HLCS: variants seen among roughly 807,000 people sequenced by gnomAD.
The protein encoded by HLCS is holocarboxylase synthetase, also known as biotin--protein ligase.
A neutral mutation model predicts 75.0 loss-of-function variants in HLCS; 53 were observed. That is an observed-to-expected ratio of 0.71 (90% CI 0.57 to 0.89). The LOEUF is 0.89. HLCS is among the 40% of genes least tolerant of loss of function. The pLI, the probability that HLCS is intolerant of heterozygous loss-of-function variation, is 0.00. For synonymous variants in HLCS, 431 were observed against 428.6 expected, an observed-to-expected ratio of 1.01 and a Z score of -0.07; for missense variants, 966 against 1,074.0, an observed-to-expected ratio of 0.90 and a Z score of 1.41.
intron 10 of HLCS, among the ~76,000 whole-genome samples, chr21:36,755,931 G>A (rs1415129571): frequency 1.3e-5 from 2 of 152,160 alleles, no homozygotes; most frequent in African/African-American, 2.4e-5. Flanking sequence ...ATTTAGATGC[G>A]TCTATTGTTT....
intron 6 of HLCS, among the ~76,000 whole-genome samples, chr21:36,812,535 T>G (rs2061542874): frequency 6.6e-6 from 1 of 152,228 alleles, no homozygotes; most frequent in African/African-American, 2.4e-5. Flanking sequence ...TGAGTCTTTG[T>G]AAGCTCAAAA....
At chr21:36,924,557 T>C (rs553209245) in intron 5 of HLCS, among the ~76,000 whole-genome samples, 1 of 152,194 alleles carries the variant, frequency 6.6e-6, no homozygotes, top group South Asian at 2.1e-4. Flanking sequence ...CAAGACTCCA[T>C]CTCAAAAAGA....
chr21:36,989,029 TA>T, intron 1 of HLCS, among the ~76,000 whole-genome samples: 1 of 137,400 alleles, frequency 7.3e-6, no homozygotes, highest in Non-Finnish European at 1.6e-5. Context: ...TATTTTATTT[TA>T]TTTATTTATT....
At position 36,830,174 on chromosome 21, in the gene HLCS, C is replaced by T. The variant is rs555065364; in HGVS notation, c.1893-62889G>A. Among the ~76,000 whole-genome samples, 52 of 152,202 alleles carry T rather than the reference C, an allele frequency of 3.4e-4. 1 individual carries two copies. The highest frequency in any genetic ancestry group is 1.1e-3 in the Admixed American group (17 of 15,292). On this transcript the variant is annotated intron_variant, in intron 6 of 10. Transcript: ENST00000674895. ...CCTCTACAAGCCAGAGAGAGGGGCCCGGAACAGAGCCTCTCTCACGGCCTC... is the reference window on the plus strand; with the variant it reads ...CCTCTACAAGCCAGAGAGAGGGGCCTGGAACAGAGCCTCTCTCACGGCCTC...
intron 6 of HLCS, among the ~76,000 whole-genome samples, chr21:36,872,730 C>T (rs1379418765): frequency 2.0e-5 from 3 of 152,206 alleles, no homozygotes; most frequent in Non-Finnish European, 4.4e-5. Flanking sequence ...ATCCATTCAT[C>T]TGTCAGTGGA....
intron 6 of HLCS, among the ~76,000 whole-genome samples, chr21:36,895,021 G>A (rs1040414130): frequency 2.6e-5 from 4 of 152,038 alleles, no homozygotes; most frequent in Non-Finnish European, 4.4e-5. Flanking sequence ...CTCTCAGGGC[G>A]TGTGCTGCCC....
Position 36,763,136 on chromosome 21 carries a change from TG to T in HLCS, c.2121+1875del, listed in dbSNP as rs552106808. Among the ~76,000 whole-genome samples, 468 of 152,288 alleles carry T rather than the reference TG, an allele frequency of 3.1e-3. 3 individuals carry two copies. The highest frequency in any genetic ancestry group is 5.6e-3 in the Non-Finnish European group (384 of 68,022). The stretch of plus-strand genomic sequence containing the variant: ...GCCTCCCGAGTTCAAGCGATTCTTG[TG>T]CCTCAGCCTCCCGAGTAGCTGAGAT... On this transcript the variant is annotated intron_variant, in intron 8 of 10. Coordinates refer to ENST00000674895, the MANE Select transcript of HLCS (RefSeq NM_001352514.2).
chr21:36,796,800 G>C (rs1188538141), intron 6 of HLCS, among the ~76,000 whole-genome samples: 1 of 151,844 alleles, frequency 6.6e-6, no homozygotes, highest in African/African-American at 2.4e-5. Context: ...AAGCAATGCA[G>C]CACCTACAGA....
intron 1 of HLCS, among the ~76,000 whole-genome samples, chr21:36,988,567 T>C (rs946738582): frequency 6.6e-6 from 1 of 152,192 alleles, no homozygotes; most frequent in African/African-American, 2.4e-5. Flanking sequence ...CCAGAGTAAA[T>C]TCCTACCTGT....
At chr21:36,798,160 C>T (rs894770127) in intron 6 of HLCS, among the ~76,000 whole-genome samples, 23 of 152,072 alleles carry the variant, frequency 1.5e-4, no homozygotes, top group African/African-American at 5.6e-4. Flanking sequence ...TGACCTGAGG[C>T]CCAACGAGGA....
At chr21:36,914,910 C>T (rs1464521797) in intron 5 of HLCS, among the ~76,000 whole-genome samples, 2 of 152,236 alleles carry the variant, frequency 1.3e-5, no homozygotes, top group African/African-American at 2.4e-5. Flanking sequence ...AGGCTTCTGA[C>T]AGAGCAGGCA....
intron 6 of HLCS, among the ~76,000 whole-genome samples, chr21:36,839,552 G>T (rs1239779499): frequency 6.6e-6 from 1 of 152,076 alleles, no homozygotes; most frequent in Non-Finnish European, 1.5e-5. Context: ...AGGGAGAGCA[G>T]ATAGCAGCAG....
intron 9 of HLCS, among the ~76,000 whole-genome samples, chr21:36,757,477 A>T (rs1335884882): frequency 5.3e-5 from 8 of 152,178 alleles, no homozygotes; most frequent in African/African-American, 1.9e-4. Context: ...GCTGGACTTC[A>T]GTGTTCAGCA....
intron 1 of HLCS, chr21:36,973,886 G>C (rs1157746911): frequency 6.6e-6 from 1 of 152,448 alleles, no homozygotes; most frequent in Admixed American, 6.5e-5. Flanking sequence ...AGCTACTTGG[G>C]AGGCTGAGGC....
chr21:36,963,679 G>C (rs187492719), intron 1 of HLCS, among the ~76,000 whole-genome samples: 2 of 152,248 alleles, frequency 1.3e-5, no homozygotes, highest in East Asian at 1.9e-4. Context: ...TTGAACCCGG[G>C]AGGCAGAAGT....
At chr21:36,890,344 G>A (rs886724005) in intron 6 of HLCS, among the ~76,000 whole-genome samples, 1 of 152,204 alleles carries the variant, frequency 6.6e-6, no homozygotes, top group African/African-American at 2.4e-5. Flanking sequence ...AATGACTGGA[G>A]CCCAGGATAA....
rs114363557 is a variant in HLCS at position 36,889,757 on chromosome 21, T to C, written c.1892+7103A>G. On this transcript the variant is annotated intron_variant, in intron 6 of 10. Transcript: ENST00000674895. ...CAGACACAGACACAGACTGGACCCA[T>C]GTCCCTGGGACTCTACTTAACTGGC... Among the ~76,000 whole-genome samples the C allele has an allele frequency of 9.5e-3, 1,443 of 152,314 alleles. 27 individuals are homozygous for C. Among genetic ancestry groups the C allele is most frequent in the African/African-American group, 0.033 (1,358 of 41,564 alleles).
At chr21:36,851,176 AGGC>A (rs2062991481) in intron 6 of HLCS, among the ~76,000 whole-genome samples, 2 of 152,206 alleles carry the variant, frequency 1.3e-5, no homozygotes, top group African/African-American at 2.4e-5. Context: ...TCCCAATCCT[AGGC>A]ATATACCCAA....
Position 36,813,528 on chromosome 21 carries a change from A to C in HLCS, c.1893-46243T>G, listed in dbSNP as rs535952401. Among the ~76,000 whole-genome samples, 83 of 152,348 alleles carry C rather than the reference A, an allele frequency of 5.4e-4. No individual in the cohort carries two copies. The Middle Eastern group carries it at 0.01, about 19-fold the overall frequency. Reference sequence around the variant, plus strand: ...TAATGCCATTTTGTTAAAAGTACTGAGAGATTTACAATGATCAAGTAATAT... The same window carrying C: ...TAATGCCATTTTGTTAAAAGTACTGCGAGATTTACAATGATCAAGTAATAT... On this transcript the variant is annotated intron_variant, in intron 6 of 10. Transcript: ENST00000674895.
Sources: gnomAD v4.1 joint callset for allele counts (sites outside exome capture counted in the v4.1 genomes callset) on GRCh38, gnomAD v4.1.1 for gene constraint, MANE v1.5 for transcripts, NCBI Gene and HGNC (gene_info 2026-07-23, HGNC 2026-07-21) for gene names.